VRK1: variants seen among roughly 807,000 people sequenced by gnomAD.
The protein encoded by VRK1 is VRK serine/threonine kinase 1.
Under a neutral mutation model 57.1 loss-of-function variants are expected in VRK1, and 33 were observed. That is an observed-to-expected ratio of 0.58 (90% CI 0.44 to 0.77). The LOEUF (loss-of-function observed/expected upper bound fraction) is 0.77. Among genes scored for constraint, VRK1 ranks in the 30% least tolerant of loss-of-function variants. The pLI, the probability that VRK1 is intolerant of heterozygous loss-of-function variation, is 0.00. For synonymous variants in VRK1, 137 were observed against 147.8 expected, an observed-to-expected ratio of 0.93 and a Z score of 0.53; for missense variants, 413 against 477.3, an observed-to-expected ratio of 0.87 and a Z score of 1.25.
intron 4 of VRK1, among the ~76,000 whole-genome samples, chr14:96,846,715 A>G (rs892133952): frequency 5.3e-5 from 7 of 133,098 alleles, no homozygotes; most frequent in African/African-American, 2.2e-4. Flanking sequence ...AATATTCCAG[A>G]AAAAAAAAAA....
chr14:96,856,333 T>A (rs1376959206), intron 9 of VRK1, 83 bp downstream of exon 9: 1 of 1,513,468 alleles, frequency 6.6e-7, no homozygotes, highest in Non-Finnish European at 9.1e-7. Flanking sequence ...GGAACTATAG[T>A]TTCAACTGAT....
intron 1 of VRK1, among the ~76,000 whole-genome samples, chr14:96,827,390 T>C (rs1048942674): frequency 6.6e-6 from 1 of 152,120 alleles, no homozygotes; most frequent in East Asian, 1.9e-4. Flanking sequence ...GCTTGTTTTT[T>C]TGTTCGTTTG....
At chr14:96,804,373 C>T (rs1248757436) in intron 1 of VRK1, among the ~76,000 whole-genome samples, 2 of 152,120 alleles carry the variant, frequency 1.3e-5, no homozygotes, top group African/African-American at 4.8e-5. Flanking sequence ...AATGAATGAG[C>T]AATTAACTAT....
At chr14:96,824,914 A>G (rs890491376) in intron 1 of VRK1, among the ~76,000 whole-genome samples, 7 of 152,050 alleles carry the variant, frequency 4.6e-5, no homozygotes, top group Non-Finnish European at 1.0e-4. Flanking sequence ...CGGCCTCCCA[A>G]AGTGCTGAGA....
chr14:96,808,549 T>G (rs1886008295), intron 1 of VRK1, among the ~76,000 whole-genome samples: 1 of 152,166 alleles, frequency 6.6e-6, no homozygotes, highest in South Asian at 2.1e-4. Context: ...TGTGGGGATA[T>G]CTTGCAGACA....
chr14:96,869,292 C>T (rs1888719251), intron 11 of VRK1, among the ~76,000 whole-genome samples: 1 of 152,090 alleles, frequency 6.6e-6, no homozygotes, highest in African/African-American at 2.4e-5. Context: ...TTAACTTTTC[C>T]CATCTTTCTA....
intron 1 of VRK1, among the ~76,000 whole-genome samples, chr14:96,816,574 G>A (rs1886402964): frequency 6.6e-6 from 1 of 152,170 alleles, no homozygotes; most frequent in South Asian, 2.1e-4. Flanking sequence ...CCTGTGGTGT[G>A]TGTTCTCCCT....
chr14:96,820,173 G>A (rs1314564699), intron 1 of VRK1, among the ~76,000 whole-genome samples: 1 of 152,020 alleles, frequency 6.6e-6, no homozygotes, highest in Non-Finnish European at 1.5e-5. Flanking sequence ...ATCCGATCGA[G>A]AAATGGTTCA....
intron 1 of VRK1, among the ~76,000 whole-genome samples, chr14:96,812,236 T>A (rs1179318736): frequency 6.6e-6 from 1 of 152,248 alleles, no homozygotes; most frequent in African/African-American, 2.4e-5. Flanking sequence ...TTAGTGCTGC[T>A]ATGGACATTT....
chr14:96,877,526 T>C lies in VRK1; in HGVS notation c.1159+1406T>C, dbSNP rs1246068090. 2.3e-6 allele frequency: 3 copies of C among 1,289,526 alleles called. No individual in the cohort carries two copies. The South Asian group carries it at 3.7e-5, about 16-fold the overall frequency. The allele number at this position is 1,289,526 out of a possible 1,614,324, so 79.9% of individuals were successfully genotyped here. On this transcript the variant is annotated intron_variant, in intron 12 of 12. Transcript: ENST00000216639. ...GGAAGTGAGGAGTCCCAAGGAGCAA[T>C]ACATCGAAGCATGTCTCAGCCAGAG...
At chr14:96,820,021 A>C (rs1886538311) in intron 1 of VRK1, among the ~76,000 whole-genome samples, 1 of 152,180 alleles carries the variant, frequency 6.6e-6, no homozygotes. Flanking sequence ...GTACTAGGTT[A>C]GACTGGCAGC....
intron 1 of VRK1, among the ~76,000 whole-genome samples, chr14:96,813,073 T>C (rs374790290): frequency 1.3e-5 from 2 of 152,198 alleles, no homozygotes; most frequent in East Asian, 3.8e-4. Context: ...GCAGATATGT[T>C]AGATTGAAGG....
intron 10 of VRK1, 99 bp downstream of exon 10, chr14:96,856,685 G>A (rs1888169373): frequency 9.2e-7 from 1 of 1,083,990 alleles, no homozygotes; most frequent in South Asian, 1.3e-5. Flanking sequence ...ATGTTAGGTG[G>A]TGGCCAGGCA....
intron 9 of VRK1, 24 bp from the exon 10 acceptor site, chr14:96,856,504 G>T: frequency 6.3e-7 from 1 of 1,594,722 alleles, no homozygotes; most frequent in South Asian, 1.1e-5. Flanking sequence ...AAGCTTCAGT[G>T]ACTCATTCTT....
chr14:96,816,010 G>A (rs1344010780), intron 1 of VRK1, among the ~76,000 whole-genome samples: 1 of 152,120 alleles, frequency 6.6e-6, no homozygotes, highest in Non-Finnish European at 1.5e-5. Flanking sequence ...TTGTAGAAGT[G>A]GCTGATTGTA....
At chr14:96,808,636 A>G (rs923484365) in intron 1 of VRK1, among the ~76,000 whole-genome samples, 1 of 151,694 alleles carries the variant, frequency 6.6e-6, no homozygotes, top group Non-Finnish European at 1.5e-5. Context: ...ACTCATGTGT[A>G]AATGGAATAA....
In VRK1 at chr14:96,872,883, A is replaced by G. The variant is rs10149054; in HGVS notation, c.1069-3147A>G. ...AATGTAATAATTTAATCAAATAAAT[A>G]AAATAAGATTAACTGATTAGTCACA... On this transcript the variant is annotated intron_variant, in intron 11 of 12. Coordinates refer to ENST00000216639, the MANE Select transcript of VRK1 (RefSeq NM_003384.3). 3.3e-3 allele frequency among the ~76,000 whole-genome samples: 496 copies of G among 152,332 alleles called. 4 individuals are homozygous for G. The highest frequency in any genetic ancestry group is 0.011 in the African/African-American group (466 of 41,582).
Position 96,855,250 on chromosome 14 carries a change from T to G in VRK1, c.603T>G (p.Ala201=), listed in dbSNP as rs1157448476. The G allele has an allele frequency of 1.9e-6, 3 of 1,614,086 alleles. No individual in the cohort carries two copies. Among genetic ancestry groups the G allele is most frequent in the Non-Finnish European group, 2.5e-6 (3 of 1,179,964 alleles). The change falls in exon 8 of 13, where the codon GCT becomes GCG. Residue 201 remains alanine (A), a synonymous_variant. Coordinates refer to ENST00000216639, the MANE Select transcript of VRK1 (RefSeq NM_003384.3). ...DQVYLVDYGL[A]YRYCPEGVHK... is the part of the protein sequence containing the mutation. ...TGTACTTGGTAGATTATGGCCTTGC[T>G]TATCGGTACTGCCCAGAAGGAGTTC...
intron 12 of VRK1, among the ~76,000 whole-genome samples, chr14:96,880,807 T>TA (rs1889231532): frequency 6.6e-6 from 1 of 152,234 alleles, no homozygotes; most frequent in Non-Finnish European, 1.5e-5. Context: ...GAGTGAATGC[T>TA]TATCTATATT....
Sources: gnomAD v4.1 joint callset for allele counts (sites outside exome capture counted in the v4.1 genomes callset) on GRCh38, gnomAD v4.1.1 for gene constraint, MANE v1.5 for transcripts, NCBI Gene and HGNC (gene_info 2026-07-23, HGNC 2026-07-21) for gene names.